CNTN5: variants seen among roughly 807,000 people sequenced by gnomAD.
The protein encoded by CNTN5 is contactin 5.
In CNTN5, 77 loss-of-function variants were observed where a neutral mutation model predicts 129.1. That is an observed-to-expected ratio of 0.60 (90% CI 0.50 to 0.72). CNTN5 has a LOEUF of 0.72. Among genes scored for constraint, CNTN5 ranks in the 30% least tolerant of loss-of-function variants. The pLI is 0.00. For missense variants in CNTN5, 1,478 were observed against 1,328.8 expected (o/e 1.11, Z -1.75); for synonymous variants, 509 against 465.6 (o/e 1.09, Z -1.20).
intron 3 of CNTN5, among the ~76,000 whole-genome samples, chr11:99,703,495 G>A (rs942970514): frequency 3.3e-5 from 5 of 150,518 alleles, no homozygotes; most frequent in Non-Finnish European, 7.5e-5. Context: ...TATCTCCTAA[G>A]CACTGAATAA....
chr11:100,038,374 T>C (rs1364824935), intron 9 of CNTN5, among the ~76,000 whole-genome samples: 1 of 152,070 alleles, frequency 6.6e-6, no homozygotes, highest in Non-Finnish European at 1.5e-5. Context: ...TGCTGAGGAG[T>C]GCTTTACTTC....
chr11:100,096,240 G>A (rs755721317), intron 13 of CNTN5, among the ~76,000 whole-genome samples: 2 of 152,046 alleles, frequency 1.3e-5, no homozygotes, highest in Non-Finnish European at 2.9e-5. Context: ...GTAGTCCCAG[G>A]CACATTATTT....
intron 16 of CNTN5, among the ~76,000 whole-genome samples, chr11:100,237,084 GA>G (rs1392420087): frequency 6.6e-5 from 10 of 151,482 alleles, no homozygotes; most frequent in Admixed American, 2.0e-4. Context: ...AGCTACTGGG[GA>G]GGCTGAGGCA....
Position 99,556,645 on chromosome 11 carries a change from A to G in CNTN5, c.55+376A>G, listed in dbSNP as rs371295800. ...GTGCATATATTTATGCATATAATGTATATGTATATAAATAATTATGTATTT... is the reference window on the plus strand; with the variant it reads ...GTGCATATATTTATGCATATAATGTGTATGTATATAAATAATTATGTATTT... On this transcript the variant is annotated intron_variant, in intron 3 of 24. Transcript: ENST00000524871. Among the ~76,000 whole-genome samples the G allele has an allele frequency of 8.3e-5, 12 of 145,016 alleles. No individual in the cohort carries two copies. The East Asian group carries it at 1.6e-3, about 19-fold the overall frequency.
chr11:99,878,765 G>A (rs113639461), intron 6 of CNTN5, among the ~76,000 whole-genome samples: 32 of 152,102 alleles, frequency 2.1e-4, no homozygotes, highest in African/African-American at 7.5e-4. Context: ...TGAGGCAGGG[G>A]AATCACTTGA....
intron 6 of CNTN5, among the ~76,000 whole-genome samples, chr11:99,855,366 C>A (rs1175816721): frequency 6.6e-6 from 1 of 152,104 alleles, no homozygotes; most frequent in Non-Finnish European, 1.5e-5. Context: ...CTTTAAAGGC[C>A]AAGTTCAGTA....
At chr11:99,796,897 G>T (rs892762435) in intron 3 of CNTN5, among the ~76,000 whole-genome samples, 5 of 152,040 alleles carry the variant, frequency 3.3e-5, no homozygotes, top group Non-Finnish European at 5.9e-5. Context: ...GAGGTCGTGT[G>T]GTCTTCTGCT....
intron 9 of CNTN5, among the ~76,000 whole-genome samples, chr11:100,040,976 C>T (rs1167295950): frequency 6.6e-6 from 1 of 152,130 alleles, no homozygotes; most frequent in Non-Finnish European, 1.5e-5. Context: ...TGCACTGCAC[C>T]CACTGTCCTG....
chr11:100,239,168 T>A (rs1024285895), intron 16 of CNTN5, among the ~76,000 whole-genome samples: 1 of 152,192 alleles, frequency 6.6e-6, no homozygotes, highest in Non-Finnish European at 1.5e-5. Flanking sequence ...TTGACATCCA[T>A]CCTTGAGCAA....
rs187346783 is a variant in CNTN5, at chr11:99,539,401, G to A, written c.-70-16744G>A. On this transcript the variant is annotated intron_variant, in intron 2 of 24. Transcript: ENST00000524871. ...TTTTCTCCACATGACCCAAATTATC[G>A]TTTTATTGTTTGTGATCTATTCCCT... Among the ~76,000 whole-genome samples the A allele has an allele frequency of 3.8e-3, 581 of 151,924 alleles. 4 individuals are homozygous for A. Among genetic ancestry groups the A allele is most frequent in the African/African-American group, 0.013 (541 of 41,466 alleles).
chr11:99,904,030 A>T (rs1949428241), intron 6 of CNTN5, among the ~76,000 whole-genome samples: 2 of 152,190 alleles, frequency 1.3e-5, no homozygotes, highest in South Asian at 4.1e-4. Context: ...GTGAGGATGT[A>T]GAGAAAGGGG....
chr11:100,173,882 T>TA (rs1240573603), intron 13 of CNTN5, among the ~76,000 whole-genome samples: 2 of 152,046 alleles, frequency 1.3e-5, no homozygotes, highest in Non-Finnish European at 2.9e-5. Context: ...CCTACTTTGA[T>TA]ACACAGAGAA....
At chr11:99,935,004 A>G (rs1950283180) in intron 7 of CNTN5, among the ~76,000 whole-genome samples, 2 of 148,784 alleles carry the variant, frequency 1.3e-5, no homozygotes, top group Admixed American at 1.3e-4. Flanking sequence ...AAATGTTTAT[A>G]GTGAAAAAGT....
chr11:100,089,155 C>T (rs935100168), intron 13 of CNTN5, among the ~76,000 whole-genome samples: 1 of 151,986 alleles, frequency 6.6e-6, no homozygotes. Context: ...CTGTTCATGT[C>T]CTTTGCCCAC....
intron 2 of CNTN5, among the ~76,000 whole-genome samples, chr11:99,533,077 GCCAT>G (rs1947774157): frequency 1.3e-5 from 2 of 152,150 alleles, no homozygotes; most frequent in South Asian, 4.1e-4. Context: ...ACAAAAATTA[GCCAT>G]GTATAGTGAA....
intron 13 of CNTN5, among the ~76,000 whole-genome samples, chr11:100,130,303 G>A (rs1946333457): frequency 6.6e-6 from 1 of 151,872 alleles, no homozygotes. Context: ...TCTTTAAATG[G>A]CACCCATGTG....
At chr11:100,019,504 T>A (rs1322221983) in intron 9 of CNTN5, among the ~76,000 whole-genome samples, 2 of 151,998 alleles carry the variant, frequency 1.3e-5, no homozygotes, top group East Asian at 3.8e-4. Context: ...TTCATCCATG[T>A]TGTTACAAAT....
chr11:99,385,841 T>C (rs936946563), intron 2 of CNTN5, among the ~76,000 whole-genome samples: 2 of 152,248 alleles, frequency 1.3e-5, no homozygotes, highest in East Asian at 1.9e-4. Flanking sequence ...GGATTGTATA[T>C]ATGGAATTGT....
At chr11:100,149,908 GA>G (rs1270500339) in intron 13 of CNTN5, among the ~76,000 whole-genome samples, 2 of 118,834 alleles carry the variant, frequency 1.7e-5, no homozygotes, top group East Asian at 4.9e-4. Context: ...AAAAAAAAAA[GA>G]AAAGAAAAGA....
Sources: allele counts gnomAD v4.1 joint callset (sites outside exome capture counted in the v4.1 genomes callset), GRCh38; gene constraint gnomAD v4.1.1; transcripts MANE v1.5; gene names NCBI Gene and HGNC (gene_info 2026-07-23, HGNC 2026-07-21).